Variants in PLCG2 observed in about 807,000 individuals in gnomAD.
PLCG2 encodes 1-phosphatidylinositol 4,5-bisphosphate phosphodiesterase gamma-2.
A neutral mutation model predicts 175.6 loss-of-function variants in PLCG2; 69 were observed. The observed-to-expected ratio is 0.39, with a 90% CI of 0.32 to 0.48. PLCG2 has a LOEUF of 0.48. Among genes scored for constraint, PLCG2 ranks in the 20% least tolerant of loss-of-function variants. PLCG2 has a pLI of 0.91. For synonymous variants in PLCG2, 827 were observed against 624.0 expected, an observed-to-expected ratio of 1.33 and a Z score of -4.85; for missense variants, 1,798 against 1,650.9, an observed-to-expected ratio of 1.09 and a Z score of -1.54.
At chr16:81,823,652 A>G (rs1264072166) in intron 2 of PLCG2, among the ~76,000 whole-genome samples, 7 of 151,736 alleles carry the variant, frequency 4.6e-5, no homozygotes, top group African/African-American at 1.7e-4. Flanking sequence ...CAGTCTCTCA[A>G]GTAGCTGAGA....
intron 10 of PLCG2, among the ~76,000 whole-genome samples, chr16:81,890,654 A>T (rs1049690440): frequency 6.6e-6 from 1 of 152,064 alleles, no homozygotes; most frequent in Admixed American, 6.6e-5. Context: ...TTGCATAGGG[A>T]AGGAGGGGAG....
intron 14 of PLCG2, among the ~76,000 whole-genome samples, chr16:81,904,086 A>G (rs1222470794): frequency 6.6e-6 from 1 of 152,162 alleles, no homozygotes; most frequent in African/African-American, 2.4e-5. Flanking sequence ...AGGGTCACAC[A>G]TTTAGTATTT....
upstream of PLCG2, among the ~76,000 whole-genome samples, chr16:81,775,098 A>C (rs758459423): frequency 6.6e-6 from 1 of 152,042 alleles, no homozygotes; most frequent in African/African-American, 2.4e-5. Flanking sequence ...ATCCCATGCA[A>C]CTCATGCATG....
chr16:81,940,483 TCCAACTCC>T lies in PLCG2; in HGVS notation c.3481+429_3481+436del, dbSNP rs140146128. Among the ~76,000 whole-genome samples, 576 of 152,096 alleles carry T rather than the reference TCCAACTCC, an allele frequency of 3.8e-3. 2 individuals are homozygous for T. Among genetic ancestry groups the T allele is most frequent in the African/African-American group, 0.013 (555 of 41,472 alleles). On this transcript the variant is annotated intron_variant, in intron 30 of 32. Coordinates refer to ENST00000564138, the MANE Select transcript of PLCG2 (RefSeq NM_002661.5). ...GGGGGGGGAGTAACAATCTCGAGGG[TCCAACTCC>T]CCAAACCCTTCAGAATTCACCTTCT...
chr16:81,940,869 A>G (rs977551965), intron 30 of PLCG2, among the ~76,000 whole-genome samples: 1 of 152,170 alleles, frequency 6.6e-6, no homozygotes, highest in African/African-American at 2.4e-5. Context: ...TAGGTATAAT[A>G]TTTGACAAAT....
chr16:81,932,732 C>T (rs530165886), intron 25 of PLCG2, among the ~76,000 whole-genome samples: 2 of 152,324 alleles, frequency 1.3e-5, no homozygotes, highest in African/African-American at 2.4e-5. Flanking sequence ...GGGGACTGGT[C>T]CATGGGTGCC....
chr16:81,830,844 G>A (rs2143383406), intron 2 of PLCG2, among the ~76,000 whole-genome samples: 1 of 152,100 alleles, frequency 6.6e-6, no homozygotes, highest in Non-Finnish European at 1.5e-5. Context: ...CTGGATGACT[G>A]AGGGTATATG....
At chr16:81,782,412 A>G (rs568301070) in intron 1 of PLCG2, among the ~76,000 whole-genome samples, 4 of 152,334 alleles carry the variant, frequency 2.6e-5, no homozygotes, top group East Asian at 1.9e-4. Flanking sequence ...GAAAAAACCA[A>G]AAAAAGCAGA....
At chr16:81,820,725 A>T (rs954971816) in intron 2 of PLCG2, among the ~76,000 whole-genome samples, 1 of 152,242 alleles carries the variant, frequency 6.6e-6, no homozygotes, top group Admixed American at 6.5e-5. Flanking sequence ...GGTTCAAGCA[A>T]TCCTCCCACC....
chr16:81,854,931 A>G (rs1013483871), intron 3 of PLCG2, among the ~76,000 whole-genome samples: 4 of 152,114 alleles, frequency 2.6e-5, no homozygotes, highest in African/African-American at 9.7e-5. Flanking sequence ...TGGATGAAAA[A>G]TGTACGCTGG....
At chr16:81,798,621 T>G (rs1911579357) in intron 2 of PLCG2, 1 of 152,470 alleles carries the variant, frequency 6.6e-6, no homozygotes, top group Non-Finnish European at 1.5e-5. Flanking sequence ...ATACAAGTTG[T>G]GCTGGAGGCC....
intron 2 of PLCG2, among the ~76,000 whole-genome samples, chr16:81,845,873 A>G (rs1447135944): frequency 1.3e-5 from 2 of 152,212 alleles, no homozygotes; most frequent in Non-Finnish European, 2.9e-5. Context: ...TCTTAGAGTC[A>G]CTTGCTTGAC....
Position 81,908,416 on chromosome 16 carries a change from G to A in PLCG2, c.1558G>A (p.Asp520Asn). The change falls in exon 17 of 33, where the codon GAT (aspartate) becomes AAT (asparagine). Residue 520 changes from aspartate (D) to asparagine (N), a missense_variant and splice_region_variant. Asp to Asn is a conservative substitution (Grantham distance 23, BLOSUM62 1). Coordinates refer to ENST00000564138, the MANE Select transcript of PLCG2 (RefSeq NM_002661.5). ...EQTMEEEVPQ[D>N]IPPTELHFGE... ...AACCCCTCCTCTCTTTGCGGCCCAG[G>A]ATATACCCCCTACAGAACTACATTT... 6.2e-7 allele frequency: 1 copy of A among 1,613,618 alleles called. No individual in the cohort carries two copies. The highest frequency in any genetic ancestry group is 8.5e-7 in the Non-Finnish European group (1 of 1,179,724).
intron 21 of PLCG2, chr16:81,921,646 A>C: frequency 3.2e-6 from 1 of 311,126 alleles, no homozygotes; most frequent in Non-Finnish European, 6.2e-6. Context: ...TCATATTCCC[A>C]CCCTGACTCT....
chr16:81,910,441 G>A, intron 17 of PLCG2, 79 bp from the exon 18 acceptor site: 1 of 1,276,798 alleles, frequency 7.8e-7, no homozygotes, highest in Non-Finnish European at 1.1e-6. Flanking sequence ...CACATGTAAT[G>A]TCCCCGCCTC....
intron 13 of PLCG2, among the ~76,000 whole-genome samples, chr16:81,899,676 A>C (rs982182951): frequency 1.3e-5 from 2 of 152,140 alleles, no homozygotes; most frequent in South Asian, 2.1e-4. Flanking sequence ...AAATGGCCCG[A>C]AGCACAGTGG....
intron 3 of PLCG2, among the ~76,000 whole-genome samples, chr16:81,857,312 C>A (rs759678322): frequency 6.6e-6 from 1 of 152,190 alleles, no homozygotes; most frequent in Non-Finnish European, 1.5e-5. Flanking sequence ...TGGAGTTGGA[C>A]ACCTGGGTTT....
chr16:81,768,578 T>TC, intron 2 of PLCG2, among the ~76,000 whole-genome samples: 1 of 127,252 alleles, frequency 7.9e-6, no homozygotes, highest in East Asian at 2.4e-4. Flanking sequence ...TTTTTTTTTT[T>TC]TCCCGAGATG....
intron 2 of PLCG2, among the ~76,000 whole-genome samples, chr16:81,803,030 C>T (rs1229312958): frequency 6.6e-6 from 1 of 152,108 alleles, no homozygotes; most frequent in Non-Finnish European, 1.5e-5. Context: ...TCCCCCATCC[C>T]TGGCAATGAC....
Sources: gnomAD v4.1 joint callset for allele counts (sites outside exome capture counted in the v4.1 genomes callset) on GRCh38, gnomAD v4.1.1 for gene constraint, MANE v1.5 for transcripts, NCBI Gene and HGNC (gene_info 2026-07-23, HGNC 2026-07-21) for gene names.